The following HPSE2 variants were observed in gnomAD, a reference collection of about 807,000 sequenced individuals.
HPSE2 encodes inactive heparanase-2.
HPSE2 carries 38 observed loss-of-function variants against 60.5 expected under a neutral mutation model. The observed-to-expected ratio is 0.63, with a 90% CI of 0.48 to 0.82. The LOEUF (loss-of-function observed/expected upper bound fraction) is 0.82, where lower values mean the gene tolerates loss of function less well. Among genes scored for constraint, HPSE2 ranks in the 40% least tolerant of loss-of-function variants. The pLI is 0.00. For missense variants in HPSE2, 713 were observed against 740.4 expected (o/e 0.96, Z 0.43); for synonymous variants, 295 against 293.2 (o/e 1.01, Z -0.06).
chr10:98,729,821 T>C (rs1589724071), intron 4 of HPSE2, among the ~76,000 whole-genome samples: 3 of 151,960 alleles, frequency 2.0e-5, no homozygotes, highest in Admixed American at 2.0e-4. Context: ...ATTAGAAACA[T>C]ATATATACCT....
chr10:98,997,205 C>T (rs1315844290), intron 3 of HPSE2, among the ~76,000 whole-genome samples: 5 of 151,160 alleles, frequency 3.3e-5, no homozygotes, highest in Admixed American at 1.3e-4. Context: ...CTCCGCCTCC[C>T]GGGTTCAAGT....
chr10:98,833,040 CTTG>C (rs1429416665), intron 3 of HPSE2, among the ~76,000 whole-genome samples: 1 of 152,158 alleles, frequency 6.6e-6, no homozygotes, highest in African/African-American at 2.4e-5. Flanking sequence ...TGCATAAAAT[CTTG>C]TTCTTACTTT....
chr10:98,600,849 CACAT>C (rs1945382286), intron 9 of HPSE2, among the ~76,000 whole-genome samples: 1 of 140,340 alleles, frequency 7.1e-6, no homozygotes, highest in African/African-American at 2.6e-5. Flanking sequence ...TATATACACA[CACAT>C]ATTATATATA....
At chr10:99,298,502 T>C in the HPSE2 span, among the ~76,000 whole-genome samples, 2 of 152,308 alleles carry the variant, frequency 1.3e-5, no homozygotes, top group African/African-American at 2.4e-5. Context: ...ATCAGCCAAA[T>C]TGAAAAAGAA....
chr10:99,154,045 T>C (rs1458918428), intron 2 of HPSE2, among the ~76,000 whole-genome samples: 2 of 150,792 alleles, frequency 1.3e-5, no homozygotes, highest in African/African-American at 4.9e-5. Flanking sequence ...GAAGGGAAGT[T>C]TAGAGAAAAA....
At chr10:99,102,612 A>C (rs1564808780) in intron 3 of HPSE2, among the ~76,000 whole-genome samples, 1 of 152,214 alleles carries the variant, frequency 6.6e-6, no homozygotes, top group East Asian at 1.9e-4. Flanking sequence ...AAAAGAGGGA[A>C]TCCTCCCTAA....
At chr10:99,056,875 GATATTC>G (rs1958126670) in intron 3 of HPSE2, among the ~76,000 whole-genome samples, 1 of 152,114 alleles carries the variant, frequency 6.6e-6, no homozygotes, top group Non-Finnish European at 1.5e-5. Context: ...TCAATTGTAG[GATATTC>G]ATACAATGGA....
intron 3 of HPSE2, among the ~76,000 whole-genome samples, chr10:98,918,796 T>C (rs1358456156): frequency 6.6e-6 from 1 of 150,774 alleles, no homozygotes; most frequent in East Asian, 2.0e-4. Flanking sequence ...AACCTGCACA[T>C]TGTGCACATG....
At chr10:98,608,051 G>A (rs886203708) in intron 9 of HPSE2, among the ~76,000 whole-genome samples, 1 of 152,018 alleles carries the variant, frequency 6.6e-6, no homozygotes, top group Non-Finnish European at 1.5e-5. Context: ...AACCCTCTGA[G>A]GTAGACACTA....
intron 3 of HPSE2, among the ~76,000 whole-genome samples, chr10:98,822,518 T>C (rs1446273148): frequency 3.3e-5 from 5 of 151,962 alleles, no homozygotes. Flanking sequence ...GAAATGAACA[T>C]GAAAATGTAG....
At chr10:98,822,173 G>C (rs1156230076) in intron 3 of HPSE2, among the ~76,000 whole-genome samples, 1 of 152,138 alleles carries the variant, frequency 6.6e-6, no homozygotes, top group African/African-American at 2.4e-5. Flanking sequence ...CTGCCAAATA[G>C]TTACAACTGT....
At chr10:99,184,844 A>C (rs1220999547) in intron 2 of HPSE2, among the ~76,000 whole-genome samples, 4 of 130,714 alleles carry the variant, frequency 3.1e-5, no homozygotes, top group South Asian at 2.7e-4. Flanking sequence ...AGAGAGAGAG[A>C]GAGAGAGAGA....
intron 3 of HPSE2, among the ~76,000 whole-genome samples, chr10:98,875,234 T>C (rs1359151978): frequency 6.6e-6 from 1 of 151,932 alleles, no homozygotes; most frequent in Non-Finnish European, 1.5e-5. Context: ...TAATGAATCC[T>C]GAACCTGTCT....
At chr10:99,287,256 G>A in the HPSE2 span, among the ~76,000 whole-genome samples, 1 of 152,074 alleles carries the variant, frequency 6.6e-6, no homozygotes, top group East Asian at 1.9e-4. Context: ...AAGGAGAGAA[G>A]CAGCAGGAAT....
intron 9 of HPSE2, among the ~76,000 whole-genome samples, chr10:98,610,959 C>T (rs1945739074): frequency 6.6e-6 from 1 of 152,208 alleles, no homozygotes; most frequent in Admixed American, 6.5e-5. Flanking sequence ...GAGAAATGCC[C>T]ATGACTGGTG....
intron 6 of HPSE2, among the ~76,000 whole-genome samples, chr10:98,662,057 G>A (rs1212973953): frequency 6.6e-6 from 1 of 152,116 alleles, no homozygotes; most frequent in Non-Finnish European, 1.5e-5. Context: ...ACCATGCCCG[G>A]CTAATTTTTT....
rs577239601 is a variant in HPSE2 at position 98,827,322 on chromosome 10, C to T, written c.611-83266G>A. On this transcript the variant is annotated intron_variant, in intron 3 of 11. Transcript: ENST00000370552. ...CTGGGTTCAAGCCATTCTTCTGCCT[C>T]AGCCTCCCGAGTAGCTGGGACTACA... is the stretch of plus-strand genomic sequence containing the variant. 1.7e-4 allele frequency among the ~76,000 whole-genome samples: 26 copies of T among 152,140 alleles called. No individual in the cohort carries two copies. The East Asian group carries it at 4.9e-3, about 29-fold the overall frequency.
intron 3 of HPSE2, among the ~76,000 whole-genome samples, chr10:99,053,931 T>G (rs1364109377): frequency 6.6e-6 from 1 of 151,444 alleles, no homozygotes; most frequent in African/African-American, 2.4e-5. Context: ...AGATGGAGTT[T>G]CACCATGTTG....
upstream of HPSE2, among the ~76,000 whole-genome samples, chr10:99,239,418 GTTTTTTTTTTTT>G (rs760549054): frequency 2.7e-3 from 271 of 100,404 alleles, 4 homozygotes; most frequent in Admixed American, 3.6e-3. Flanking sequence ...GTTTGTCAAG[GTTTTTTTTTTTT>G]TTTTTTTTTT....
Sources: allele counts gnomAD v4.1 joint callset (sites outside exome capture counted in the v4.1 genomes callset), GRCh38; gene constraint gnomAD v4.1.1; transcripts MANE v1.5; gene names NCBI Gene and HGNC (gene_info 2026-07-23, HGNC 2026-07-21).